The following TXNDC16 variants were observed in gnomAD, a reference collection of about 807,000 sequenced individuals.
TXNDC16 encodes thioredoxin domain-containing protein 16.
TXNDC16 carries 74 observed loss-of-function variants against 85.6 expected under a neutral mutation model. The ratio of observed to expected loss-of-function variants is 0.86; its 90% CI spans 0.72 to 1.05. The LOEUF is 1.05. Among genes scored for constraint, TXNDC16 ranks in the 50% least tolerant of loss-of-function variants. The pLI is 0.00. For synonymous variants in TXNDC16, 335 were observed against 326.5 expected (o/e 1.03, Z -0.28); for missense variants, 959 against 947.0 (o/e 1.01, Z -0.17).
intron 16 of TXNDC16, among the ~76,000 whole-genome samples, chr14:52,459,432 T>C (rs2035605571): frequency 2.0e-5 from 3 of 152,026 alleles, no homozygotes; most frequent in Admixed American, 2.0e-4. Context: ...CAGTAATAAA[T>C]AGCCTACCAA....
chr14:52,490,816 T>C (rs2036383174), intron 10 of TXNDC16, 23 bp downstream of exon 10: 5 of 1,596,050 alleles, frequency 3.1e-6, no homozygotes, highest in African/African-American at 2.7e-5. Context: ...CTAAATATAG[T>C]AAATATTCGA....
At chr14:52,461,019 TCTAA>T (rs972998455) in intron 16 of TXNDC16, among the ~76,000 whole-genome samples, 3 of 151,598 alleles carry the variant, frequency 2.0e-5, no homozygotes, top group African/African-American at 4.8e-5. Context: ...TTTGAAGTTT[TCTAA>T]CTTTCTACAA....
At chr14:52,516,994 C>A (rs866982210) in intron 7 of TXNDC16, among the ~76,000 whole-genome samples, 21 of 152,128 alleles carry the variant, frequency 1.4e-4, no homozygotes, top group African/African-American at 4.6e-4. Flanking sequence ...TCCAGTCATC[C>A]TTCTTCAATC....
At chr14:52,470,863 T>G (rs2035891023) in intron 14 of TXNDC16, among the ~76,000 whole-genome samples, 183 bp from the exon 15 acceptor site, 1 of 152,220 alleles carries the variant, frequency 6.6e-6, no homozygotes, top group African/African-American at 2.4e-5. Flanking sequence ...CCTTCCTTTC[T>G]AGCTTCTCCT....
At chr14:52,493,216 T>TATATATATATACACACACACACACACAC in intron 9 of TXNDC16, among the ~76,000 whole-genome samples, 1 of 115,942 alleles carries the variant, frequency 8.6e-6, no homozygotes, top group African/African-American at 3.5e-5. Flanking sequence ...TATATATATA[T>TATATATATATACACACACACACACACAC]ACACACACAC....
intron 18 of TXNDC16, among the ~76,000 whole-genome samples, chr14:52,452,547 G>A (rs769796132): frequency 1.3e-5 from 2 of 152,036 alleles, no homozygotes; most frequent in South Asian, 2.1e-4. Flanking sequence ...CAGTGAATTC[G>A]TTTTCGACAA....
chr14:52,477,829 T>C (rs1566549050), intron 14 of TXNDC16, among the ~76,000 whole-genome samples: 1 of 152,130 alleles, frequency 6.6e-6, no homozygotes. Flanking sequence ...CAAATGGACT[T>C]AACAGGTATT....
intron 6 of TXNDC16, among the ~76,000 whole-genome samples, chr14:52,520,284 T>G (rs1392705190): frequency 6.6e-6 from 1 of 152,064 alleles, no homozygotes; most frequent in Non-Finnish European, 1.5e-5. Flanking sequence ...AGTGTATAAA[T>G]CAGACTGATC....
intron 6 of TXNDC16, among the ~76,000 whole-genome samples, chr14:52,527,476 G>T (rs889933665): frequency 3.3e-5 from 5 of 152,112 alleles, no homozygotes; most frequent in Non-Finnish European, 7.3e-5. Flanking sequence ...AGAGTCAAAT[G>T]CTTATATTTA....
intron 9 of TXNDC16, among the ~76,000 whole-genome samples, chr14:52,499,957 G>A (rs774516656): frequency 3.4e-4 from 52 of 151,960 alleles, no homozygotes; most frequent in Non-Finnish European, 6.9e-4. Context: ...TATTTTTATT[G>A]TTATATTTTT....
chr14:52,451,430 T>C (rs1436233542), intron 18 of TXNDC16, among the ~76,000 whole-genome samples: 1 of 152,100 alleles, frequency 6.6e-6, no homozygotes, highest in Non-Finnish European at 1.5e-5. Flanking sequence ...TGAATATCAA[T>C]TGATGCAAAA....
intron 6 of TXNDC16, among the ~76,000 whole-genome samples, chr14:52,523,570 C>T (rs2037261434): frequency 6.6e-6 from 1 of 152,124 alleles, no homozygotes; most frequent in African/African-American, 2.4e-5. Context: ...TGTATTATGA[C>T]TGGGCAGATT....
rs2037504515 is a variant in TXNDC16, at chr14:52,530,403, TATAATTATTATATA to T, written c.392+6302_392+6315del. ...TTATATATAATATTATAATATAATA[TATAATTATTATATA>T]ATATTATATATAATAATATATAATA... On this transcript the variant is annotated intron_variant, in intron 6 of 20. Transcript: ENST00000281741. 1.1e-3 allele frequency among the ~76,000 whole-genome samples: 20 copies of T among 17,780 alleles called. 3 individuals carry two copies. The highest frequency in any genetic ancestry group is 2.0e-3 in the African/African-American group (5 of 2,486). 11.7% of individuals were successfully genotyped at this position (17,780 alleles called of 152,430 possible). A position where few individuals can be genotyped will look rare whatever the true frequency, so the allele number is the denominator to read the frequency against.
intron 20 of TXNDC16, among the ~76,000 whole-genome samples, chr14:52,437,494 T>C (rs2035055674): frequency 6.6e-6 from 1 of 152,092 alleles, no homozygotes; most frequent in African/African-American, 2.4e-5. Context: ...GATATTGGAC[T>C]GGGCAAAGAT....
chr14:52,469,997 T>C (rs767310499), intron 16 of TXNDC16, 40 bp downstream of exon 16: 6 of 1,516,268 alleles, frequency 4.0e-6, no homozygotes, highest in Non-Finnish European at 5.3e-6. Flanking sequence ...CAAGCAATGA[T>C]ATACTCTACT....
chr14:52,546,639 G>A (rs2037947345), intron 1 of TXNDC16, among the ~76,000 whole-genome samples: 2 of 152,360 alleles, frequency 1.3e-5, no homozygotes, highest in South Asian at 4.1e-4. Flanking sequence ...GTGAGCATGA[G>A]CATAACAGAG....
At chr14:52,453,387 T>G (rs1325983838) in intron 18 of TXNDC16, among the ~76,000 whole-genome samples, 27 of 152,192 alleles carry the variant, frequency 1.8e-4, no homozygotes. Context: ...AGATTTATTG[T>G]AGCACTATTC....
At chr14:52,504,153 A>G (rs1217152817) in intron 9 of TXNDC16, among the ~76,000 whole-genome samples, 1 of 152,228 alleles carries the variant, frequency 6.6e-6, no homozygotes, top group Non-Finnish European at 1.5e-5. Flanking sequence ...TCTGCAGGAT[A>G]TTACCCAGGA....
chr14:52,530,399 A>AT (rs2037503461), intron 6 of TXNDC16, among the ~76,000 whole-genome samples: 2 of 18,372 alleles, frequency 1.1e-4, no homozygotes, highest in Non-Finnish European at 7.5e-5. Context: ...ATTATAATAT[A>AT]ATATATAATT....
Sources: gnomAD v4.1 joint callset for allele counts (sites outside exome capture counted in the v4.1 genomes callset) on GRCh38, gnomAD v4.1.1 for gene constraint, MANE v1.5 for transcripts, NCBI Gene and HGNC (gene_info 2026-07-23, HGNC 2026-07-21) for gene names.